ROBO1: variants seen among roughly 807,000 people sequenced by gnomAD.
ROBO1 encodes roundabout guidance receptor 1.
In ROBO1, 149 loss-of-function variants were observed where a neutral mutation model predicts 195.9. The observed-to-expected ratio is 0.76, with a 90% CI of 0.67 to 0.87. The LOEUF (loss-of-function observed/expected upper bound fraction) is 0.87. Ranked by LOEUF, ROBO1 falls within the 40% of genes least tolerant of loss-of-function variation. ROBO1 has a pLI of 0.00. For missense variants in ROBO1, 1,933 were observed against 2,068.3 expected (o/e 0.93, Z 1.27); for synonymous variants, 816 against 733.2 (o/e 1.11, Z -1.82).
chr3:79,084,154 C>G (rs1177397762), intron 3 of ROBO1, among the ~76,000 whole-genome samples: 1 of 152,046 alleles, frequency 6.6e-6, no homozygotes, highest in Non-Finnish European at 1.5e-5. Flanking sequence ...TAGTTTTTTT[C>G]TGTGTGTGGC....
Position 79,588,120 on chromosome 3 carries a change from T to C in ROBO1, c.88+1704A>G, listed in dbSNP as rs534424448. 2.0e-5 allele frequency among the ~76,000 whole-genome samples: 3 copies of C among 151,872 alleles called. No individual in the cohort carries two copies. The East Asian group carries it at 5.8e-4, about 29-fold the overall frequency. On this transcript the variant is annotated intron_variant, in intron 2 of 30. Transcript: ENST00000464233. ...ACTGATAACCAAACTATCACCTTTGTAACCAATGTACATATTAAATTAGAC... is the reference window on the plus strand; with the variant it reads ...ACTGATAACCAAACTATCACCTTTGCAACCAATGTACATATTAAATTAGAC...
At chr3:79,475,998 A>G (rs1020401590) in intron 2 of ROBO1, among the ~76,000 whole-genome samples, 3 of 152,096 alleles carry the variant, frequency 2.0e-5, no homozygotes, top group Non-Finnish European at 4.4e-5. Context: ...TTAAAATGAT[A>G]TTAAAAATCT....
At chr3:79,617,113 G>A (rs1460713611) in intron 1 of ROBO1, among the ~76,000 whole-genome samples, 1 of 152,052 alleles carries the variant, frequency 6.6e-6, no homozygotes, top group Non-Finnish European at 1.5e-5. Flanking sequence ...ACCTGCCTAG[G>A]ACAAGGAACT....
At chr3:79,054,034 AC>A (rs1272793877) in intron 3 of ROBO1, among the ~76,000 whole-genome samples, 3 of 152,156 alleles carry the variant, frequency 2.0e-5, no homozygotes, top group African/African-American at 7.2e-5. Context: ...TTAGACTGGG[AC>A]CTTTTGGCAA....
chr3:78,890,422 G>A (rs2036819999), intron 4 of ROBO1, among the ~76,000 whole-genome samples: 1 of 152,068 alleles, frequency 6.6e-6, no homozygotes, highest in African/African-American at 2.4e-5. Context: ...GACATAACCA[G>A]GAAGAGGGCC....
chr3:78,943,725 A>G (rs929981716), intron 3 of ROBO1, among the ~76,000 whole-genome samples: 2 of 152,184 alleles, frequency 1.3e-5, no homozygotes, highest in Admixed American at 1.3e-4. Context: ...TGCTTCTAAG[A>G]AACACATTTC....
At chr3:79,556,878 C>T (rs1246267588) in intron 2 of ROBO1, among the ~76,000 whole-genome samples, 3 of 151,468 alleles carry the variant, frequency 2.0e-5, no homozygotes, top group African/African-American at 7.3e-5. Context: ...CTCTTCTACA[C>T]TTACTCTCAC....
intron 10 of ROBO1, among the ~76,000 whole-genome samples, chr3:78,680,519 G>T: frequency 1.3e-5 from 2 of 151,996 alleles, no homozygotes; most frequent in South Asian, 4.2e-4. Context: ...AAAAGTGGGC[G>T]AAGGACATGA....
intron 1 of ROBO1, among the ~76,000 whole-genome samples, chr3:79,736,716 T>G (rs1299445977): frequency 1.3e-5 from 2 of 152,192 alleles, no homozygotes; most frequent in Non-Finnish European, 2.9e-5. Context: ...CTACTTATGA[T>G]AAACTATCAA....
chr3:79,766,118 A>C (rs1403331636), intron 1 of ROBO1, among the ~76,000 whole-genome samples: 1 of 151,922 alleles, frequency 6.6e-6, no homozygotes, highest in Non-Finnish European at 1.5e-5. Flanking sequence ...AGGAGCCTCC[A>C]GTGAGTTCCT....
intron 29 of ROBO1, among the ~76,000 whole-genome samples, chr3:78,604,349 G>A (rs1189022634): frequency 1.3e-5 from 2 of 152,124 alleles, no homozygotes; most frequent in Admixed American, 6.6e-5. Context: ...GATTACAGGC[G>A]TGAGCCACCA....
At chr3:78,912,740 T>A (rs1310019241) in intron 4 of ROBO1, among the ~76,000 whole-genome samples, 1 of 152,158 alleles carries the variant, frequency 6.6e-6, no homozygotes, top group East Asian at 1.9e-4. Context: ...AGGCTGTATG[T>A]CACAATAAAT....
At chr3:79,666,184 G>A (rs919215210) in intron 1 of ROBO1, among the ~76,000 whole-genome samples, 2 of 151,852 alleles carry the variant, frequency 1.3e-5, no homozygotes, top group Admixed American at 6.6e-5. Flanking sequence ...AGAATGGCTA[G>A]CACAAACATT....
In ROBO1 at chr3:78,617,552, G is replaced by A. The variant is rs1704183981; in HGVS notation, c.4282+83C>T. 7 of 1,378,166 alleles carry A rather than the reference G, an allele frequency of 5.1e-6. 1 individual carries two copies. The South Asian group carries it at 7.5e-5, about 15-fold the overall frequency. The allele number at this position is 1,378,166 out of a possible 1,614,324, so 85.4% of individuals were successfully genotyped here. On this transcript the variant is annotated intron_variant, in intron 27 of 30. Coordinates refer to ENST00000464233, the MANE Select transcript of ROBO1 (RefSeq NM_002941.4). ...AGAATAGATGCTTTTCAAATAGGACGTAAGATCATAGGACAGAATCAGCAA... is the reference window on the plus strand; with the variant it reads ...AGAATAGATGCTTTTCAAATAGGACATAAGATCATAGGACAGAATCAGCAA...
chr3:79,629,721 A>C (rs1045829305), intron 1 of ROBO1, among the ~76,000 whole-genome samples: 2 of 152,048 alleles, frequency 1.3e-5, no homozygotes, highest in African/African-American at 4.8e-5. Context: ...TTGAAAGTAT[A>C]AACAAAATTG....
At chr3:79,197,853 G>A (rs2081669786) in intron 2 of ROBO1, among the ~76,000 whole-genome samples, 1 of 150,074 alleles carries the variant, frequency 6.7e-6, no homozygotes, top group African/African-American at 2.4e-5. Context: ...AGAAGTGTCT[G>A]TTCATATCCT....
intron 18 of ROBO1, among the ~76,000 whole-genome samples, chr3:78,654,970 T>C (rs920578059): frequency 6.6e-6 from 1 of 152,194 alleles, no homozygotes; most frequent in South Asian, 2.1e-4. Context: ...TCAACTATTT[T>C]CTCAATATAA....
intron 2 of ROBO1, among the ~76,000 whole-genome samples, chr3:79,494,317 T>TA (rs1939617600): frequency 6.6e-6 from 1 of 152,108 alleles, no homozygotes; most frequent in Admixed American, 6.6e-5. Context: ...TAAGCCACAA[T>TA]AAAAAGTCAT....
At chr3:78,599,057 AG>A in intron 30 of ROBO1, 130 bp from the exon 31 acceptor site, 1 of 495,314 alleles carries the variant, frequency 2.0e-6, no homozygotes, top group Non-Finnish European at 3.4e-6. Flanking sequence ...TATGTTGGAA[AG>A]GGCTCATGTC....
Sources: allele counts gnomAD v4.1 joint callset (sites outside exome capture counted in the v4.1 genomes callset), GRCh38; gene constraint gnomAD v4.1.1; transcripts MANE v1.5; gene names NCBI Gene and HGNC (gene_info 2026-07-23, HGNC 2026-07-21).